SVIL: variants seen among roughly 807,000 people sequenced by gnomAD.
SVIL encodes the protein supervillin, also known as archvillin.
A neutral mutation model predicts 240.4 loss-of-function variants in SVIL; 101 were observed. The observed-to-expected ratio is 0.42, with a 90% confidence interval of 0.36 to 0.50. SVIL has a LOEUF of 0.50. SVIL is among the 20% of genes least tolerant of loss of function. The pLI is 0.01. For missense variants in SVIL, 2,512 were observed against 2,818.7 expected (o/e 0.89, Z 2.46); for synonymous variants, 999 against 1,100.0 (o/e 0.91, Z 1.82).
chr10:29,703,558 C>T (rs1345407944), intron 1 of SVIL, among the ~76,000 whole-genome samples: 8 of 152,188 alleles, frequency 5.3e-5, no homozygotes, highest in African/African-American at 7.2e-5. Context: ...GCCCCTGTGG[C>T]GGGGGCTCCG....
chr10:29,736,088 T>A (rs1392402275), upstream of SVIL, among the ~76,000 whole-genome samples: 1 of 151,144 alleles, frequency 6.6e-6, no homozygotes, highest in Non-Finnish European at 1.5e-5. Context: ...GGGCACCCCT[T>A]CCCAAAACAG....
At chr10:29,555,026 C>T in intron 4 of SVIL, 25 bp downstream of exon 4, 1 of 1,612,922 alleles carries the variant, frequency 6.2e-7, no homozygotes, top group Non-Finnish European at 8.5e-7. Flanking sequence ...CTTCTACTTC[C>T]TAACTCCCAC....
chr10:29,705,880 G>T (rs11007705), intron 1 of SVIL, among the ~76,000 whole-genome samples: 31,448 of 152,066 alleles, frequency 0.21, 3,674 homozygotes, highest in East Asian at 0.29. Context: ...CTTTGTCCAG[G>T]CTATCACTGA....
intron 3 of SVIL, among the ~76,000 whole-genome samples, chr10:29,644,362 A>G (rs1016891927): frequency 3.9e-5 from 6 of 152,146 alleles, no homozygotes; most frequent in Non-Finnish European, 8.8e-5. Context: ...TTAGAGACAC[A>G]CAGGAGCGAG....
rs9299622 is a variant in SVIL at position 29,651,618 on chromosome 10, TTCTCTC to T, written c.-201+6345_-201+6350del. Among the ~76,000 whole-genome samples the T allele has an allele frequency of 4.7e-4, 64 of 135,430 alleles. No individual in the cohort carries two copies. In the South Asian group the frequency reaches 6.6e-3, roughly 14 times the overall value. 88.8% of individuals were successfully genotyped at this position (135,430 alleles called of 152,430 possible). A position where few individuals can be genotyped will look rare whatever the true frequency, so the allele number is the denominator to read the frequency against. On this transcript the variant is annotated intron_variant, in intron 3 of 35. Coordinates refer to the SVIL transcript ENST00000375400. ...TCTACCTCATCCTGTGCCACATGCA[TTCTCTC>T]TCTCTCTCTCTCTCTCTCTCTCTCT... is the stretch of plus-strand genomic sequence containing the variant.
intron 17 of SVIL, among the ~76,000 whole-genome samples, chr10:29,512,162 C>A (rs565269643): frequency 6.6e-6 from 1 of 152,340 alleles, no homozygotes; most frequent in South Asian, 2.1e-4. Context: ...TCAATACTTT[C>A]GCATATGAAA....
intron 17 of SVIL, among the ~76,000 whole-genome samples, chr10:29,504,694 C>T (rs1949137432): frequency 6.6e-6 from 1 of 152,208 alleles, no homozygotes; most frequent in East Asian, 1.9e-4. Context: ...ACACTGACAA[C>T]ACCAAATGCT....
At chr10:29,534,234 G>A (rs576592896) in intron 7 of SVIL, among the ~76,000 whole-genome samples, 1 of 152,320 alleles carries the variant, frequency 6.6e-6, no homozygotes, top group Admixed American at 6.5e-5. Context: ...CGGGCCCTGG[G>A]GCTCATGCCT....
In SVIL at chr10:29,480,650, T is replaced by G. The variant is rs766685556; in HGVS notation, c.5264A>C (p.Asp1755Ala). 2 of 1,614,188 alleles carry G rather than the reference T, an allele frequency of 1.2e-6. No homozygotes were observed. Among genetic ancestry groups the G allele is most frequent in the Non-Finnish European group, 1.7e-6 (2 of 1,180,030 alleles). Residue 1755 changes from aspartate (D) to alanine (A), a missense_variant, in exon 29 of 38, where the codon GAT (aspartate) becomes GCT (alanine). Asp to Ala is a moderately radical substitution (Grantham distance 126). Around this residue, in one of 3 missense-constraint regions of SVIL, gnomAD observed 797 missense variants for 925.3 expected, o/e 0.86. Coordinates refer to ENST00000355867, the MANE Select transcript of SVIL (RefSeq NM_021738.3). ...GTCGAATTCCAGGATGTGCCAGACA[T>G]CCACGGAAACGCTGGTGATCTCAAA... ...RQFEITSVSV[D>A]VWHILEFDYS...
intron 1 of SVIL, among the ~76,000 whole-genome samples, chr10:29,600,320 C>T (rs2488683): frequency 2.0e-5 from 3 of 152,016 alleles, no homozygotes; most frequent in African/African-American, 7.2e-5. Flanking sequence ...CTTTAGAAGT[C>T]CTCTGGTTTA....
At chr10:29,592,573 T>C (rs16930455) in intron 1 of SVIL, among the ~76,000 whole-genome samples, 7,567 of 152,270 alleles carry the variant, frequency 0.05, 298 homozygotes, top group South Asian at 0.12. Flanking sequence ...AATGTCAAGG[T>C]GTCCATCGTT....
At chr10:29,647,635 GTT>G (rs1491370487) in intron 3 of SVIL, among the ~76,000 whole-genome samples, 3 of 151,956 alleles carry the variant, frequency 2.0e-5, no homozygotes, top group Admixed American at 2.0e-4. Context: ...GTGTGTGTGT[GTT>G]TGTGTGTGTG....
intron 2 of SVIL, among the ~76,000 whole-genome samples, chr10:29,661,487 G>A (rs1212334069): frequency 6.6e-6 from 1 of 152,176 alleles, no homozygotes; most frequent in Non-Finnish European, 1.5e-5. Flanking sequence ...AATGCAGCAG[G>A]AGGAGATGCT....
chr10:29,512,784 G>A lies in SVIL; in HGVS notation c.3467C>T (p.Pro1156Leu), dbSNP rs376362753. ...TTCCTGGGTGTGCAGGCTGCTGGCC[G>A]GCGCCTTGCCGCCCTCCTGCCTCCT... is the stretch of plus-strand genomic sequence containing the variant. Reference protein sequence around the residue: ...LSRRQEGGKAPASSLHTQEAG... With the variant: ...LSRRQEGGKALASSLHTQEAG... Residue 1156 changes from proline to leucine, a missense_variant, in exon 17 of 38, where the codon CCG becomes CTG. Transcript: ENST00000355867. 17 of 1,613,544 alleles carry A rather than the reference G, an allele frequency of 1.1e-5. 1 individual carries two copies. Among genetic ancestry groups the A allele is most frequent in the South Asian group, 9.9e-5 (9 of 91,062 alleles).
chr10:29,617,078 TA>T (rs988047390), intron 1 of SVIL, among the ~76,000 whole-genome samples: 13 of 152,246 alleles, frequency 8.5e-5, no homozygotes, highest in Admixed American at 2.0e-4. Flanking sequence ...CAAACCTCAC[TA>T]AAATAACGCT....
chr10:29,474,736 G>A (rs1016412416), intron 29 of SVIL, among the ~76,000 whole-genome samples: 1 of 152,108 alleles, frequency 6.6e-6, no homozygotes, highest in African/African-American at 2.4e-5. Context: ...AAGAATAGCT[G>A]GTAGAGAAAA....
intron 17 of SVIL, among the ~76,000 whole-genome samples, chr10:29,506,401 G>A (rs1365685951): frequency 3.3e-5 from 5 of 152,122 alleles, no homozygotes; most frequent in East Asian, 1.9e-4. Flanking sequence ...GGGAAAGGCC[G>A]CCCCAGGGAG....
At chr10:29,515,399 TCTCA>T (rs1950140864) in intron 16 of SVIL, among the ~76,000 whole-genome samples, 1 of 152,228 alleles carries the variant, frequency 6.6e-6, no homozygotes. Context: ...AATAAAATAA[TCTCA>T]CAAAATGAAA....
Position 29,735,119 on chromosome 10 carries a change from C to T in SVIL, c.-400+632G>A, listed in dbSNP as rs568169956. ...CGGGGTGCCAGGGACTGCTGGCTGT[C>T]ACCCGGGGACTAAACCACTCCCTTC... On this transcript the variant is annotated intron_variant, in intron 1 of 35. Coordinates refer to the SVIL transcript ENST00000375400. This position sits in a 1 kb window ranked among gnomAD's most constrained non-coding sequence, Gnocchi z 4.1. 3.9e-5 allele frequency among the ~76,000 whole-genome samples: 6 copies of T among 152,240 alleles called. No homozygotes were observed. The South Asian group carries it at 8.3e-4, about 21-fold the overall frequency.
Sources: gnomAD v4.1 joint callset for allele counts (sites outside exome capture counted in the v4.1 genomes callset) on GRCh38, gnomAD v4.1.1 for gene constraint, gnomAD v4.1.1 regional missense constraint, Gnocchi (gnomAD v3.1) non-coding constraint, MANE v1.5 for transcripts, NCBI Gene and HGNC (gene_info 2026-07-23, HGNC 2026-07-21) for gene names.